The following TMEM108 variants were observed in gnomAD, a reference collection of about 807,000 sequenced individuals.
The protein encoded by TMEM108 is cancer/testis antigen 124.
In TMEM108, 12 loss-of-function variants were observed where a neutral mutation model predicts 35.1. The observed-to-expected ratio is 0.34, with a 90% CI of 0.22 to 0.55. The LOEUF (loss-of-function observed/expected upper bound fraction) is 0.55, where lower values mean the gene tolerates loss of function less well. Ranked by LOEUF, TMEM108 falls within the 20% of genes least tolerant of loss-of-function variation. The pLI, the probability that TMEM108 is intolerant of heterozygous loss-of-function variation, is 0.89. For missense variants in TMEM108, 680 were observed against 753.3 expected (o/e 0.90, Z 1.14); for synonymous variants, 287 against 308.6 (o/e 0.93, Z 0.73).
At chr3:133,333,458 G>C (rs368754974) in intron 3 of TMEM108, among the ~76,000 whole-genome samples, 3 of 152,080 alleles carry the variant, frequency 2.0e-5, no homozygotes. Context: ...TAAGGACACA[G>C]AGGCCCAAAG....
chr3:133,156,245 A>G (rs1220431166), intron 2 of TMEM108, among the ~76,000 whole-genome samples: 1 of 152,146 alleles, frequency 6.6e-6, no homozygotes, highest in African/African-American at 2.4e-5. Context: ...ACAACCTTAC[A>G]AATATTTGCC....
intron 3 of TMEM108, among the ~76,000 whole-genome samples, chr3:133,313,474 C>T (rs995314704): frequency 1.2e-4 from 18 of 152,160 alleles, no homozygotes; most frequent in African/African-American, 3.6e-4. Context: ...CGTGAGCCAC[C>T]GCGCCTGGCC....
At chr3:133,225,534 T>G (rs1946057254) in intron 2 of TMEM108, among the ~76,000 whole-genome samples, 1 of 152,210 alleles carries the variant, frequency 6.6e-6, no homozygotes, top group Admixed American at 6.5e-5. Context: ...CAATACGTTT[T>G]GGAATACTTA....
At chr3:133,043,096 A>G (rs951143667) in intron 1 of TMEM108, among the ~76,000 whole-genome samples, 2 of 152,224 alleles carry the variant, frequency 1.3e-5, no homozygotes, top group Non-Finnish European at 2.9e-5. Context: ...GTTTCCTGTA[A>G]GAAAAAACTT....
intron 3 of TMEM108, among the ~76,000 whole-genome samples, chr3:133,300,681 T>C (rs1031993691): frequency 6.6e-6 from 1 of 151,992 alleles, no homozygotes; most frequent in African/African-American, 2.4e-5. Flanking sequence ...ATGATTTTAG[T>C]GGGCTCTGGG....
chr3:133,338,646 A>G (rs2071571668), intron 3 of TMEM108, among the ~76,000 whole-genome samples: 1 of 151,892 alleles, frequency 6.6e-6, no homozygotes, highest in South Asian at 2.1e-4. Context: ...AAGTACACAG[A>G]AAAACAGAAT....
intron 2 of TMEM108, among the ~76,000 whole-genome samples, chr3:133,060,846 G>T (rs536266546): frequency 6.6e-6 from 1 of 151,662 alleles, no homozygotes; most frequent in Non-Finnish European, 1.5e-5. Flanking sequence ...GTGTTTGTAC[G>T]AAAAAAAACT....
At chr3:133,327,107 G>A (rs1483885139) in intron 3 of TMEM108, among the ~76,000 whole-genome samples, 1 of 152,148 alleles carries the variant, frequency 6.6e-6, no homozygotes, top group Non-Finnish European at 1.5e-5. Context: ...CAAGAAGGGT[G>A]CCTTTGTGTA....
intron 3 of TMEM108, among the ~76,000 whole-genome samples, chr3:133,358,729 A>G (rs2072253730): frequency 1.3e-5 from 2 of 151,970 alleles, no homozygotes; most frequent in Admixed American, 1.3e-4. Context: ...CCTTCCCTCC[A>G]ATTCACTCTC....
chr3:133,290,312 T>C (rs1216716812), intron 3 of TMEM108, among the ~76,000 whole-genome samples: 2 of 152,180 alleles, frequency 1.3e-5, no homozygotes, highest in Non-Finnish European at 2.9e-5. Flanking sequence ...TCTATGAGAC[T>C]TAGTTCTTCT....
chr3:133,079,989 A>G (rs192796221), intron 2 of TMEM108, among the ~76,000 whole-genome samples: 8 of 152,180 alleles, frequency 5.3e-5, no homozygotes, highest in Admixed American at 2.0e-4. Flanking sequence ...TTTTGCACAG[A>G]TGTCTTCTTG....
chr3:133,305,046 G>A (rs1380454953), intron 3 of TMEM108, among the ~76,000 whole-genome samples: 1 of 152,030 alleles, frequency 6.6e-6, no homozygotes, highest in Non-Finnish European at 1.5e-5. Context: ...TCGCACCACT[G>A]CACCCCCAGC....
At chr3:133,225,220 G>C (rs1348164657) in intron 2 of TMEM108, among the ~76,000 whole-genome samples, 3 of 151,802 alleles carry the variant, frequency 2.0e-5, no homozygotes, top group Admixed American at 6.6e-5. Context: ...CTAATTTTTT[G>C]TATTTTTAGT....
chr3:133,382,164 G>C lies in TMEM108; in HGVS notation c.1450+1003G>C, dbSNP rs531462188. Among the ~76,000 whole-genome samples the C allele has an allele frequency of 5.3e-5, 8 of 152,190 alleles. No homozygotes were observed. The East Asian group carries it at 1.5e-3, about 29-fold the overall frequency. ...ACCCCACCCCAAATGGTTACCATCT[G>C]CCACTCCCTTACCCCTTCCAGGGAT... On this transcript the variant is annotated intron_variant, in intron 4 of 5. Transcript: ENST00000321871.
rs1453099579 is a variant in TMEM108, at chr3:133,185,351, G to T, written c.-46-43915G>T. ...ATTGTTTCCCCCATTGAATGGACATGTGGATGCTTTTGGTTTAACTACTGC... is the reference window on the plus strand; with the variant it reads ...ATTGTTTCCCCCATTGAATGGACATTTGGATGCTTTTGGTTTAACTACTGC... On this transcript the variant is annotated intron_variant, in intron 2 of 5. Coordinates refer to ENST00000321871, the MANE Select transcript of TMEM108 (RefSeq NM_023943.4). Among the ~76,000 whole-genome samples the T allele has an allele frequency of 2.6e-5, 4 of 152,012 alleles. No individual in the cohort carries two copies. In the East Asian group the frequency reaches 7.7e-4, roughly 29 times the overall value.
intron 3 of TMEM108, among the ~76,000 whole-genome samples, chr3:133,378,858 G>T (rs945594381): frequency 6.7e-6 from 1 of 148,376 alleles, no homozygotes. Flanking sequence ...CAAAAAGGCT[G>T]GATATCACCA....
intron 2 of TMEM108, among the ~76,000 whole-genome samples, chr3:133,197,786 A>G (rs1303062053): frequency 2.0e-5 from 3 of 152,224 alleles, no homozygotes; most frequent in African/African-American, 4.8e-5. Flanking sequence ...GTACAGAGGT[A>G]TCTGCTACAG....
At chr3:133,323,379 CAA>C (rs1007715625) in intron 3 of TMEM108, among the ~76,000 whole-genome samples, 23 of 152,136 alleles carry the variant, frequency 1.5e-4, no homozygotes, top group Non-Finnish European at 1.9e-4. Context: ...TGCTATACAC[CAA>C]AGTGACCAAG....
chr3:133,297,843 A>G (rs1947168037), intron 3 of TMEM108, among the ~76,000 whole-genome samples: 1 of 152,216 alleles, frequency 6.6e-6, no homozygotes, highest in Non-Finnish European at 1.5e-5. Flanking sequence ...AGATACTGAG[A>G]TCAGAGAATG....
Sources: gnomAD v4.1 joint callset for allele counts (sites outside exome capture counted in the v4.1 genomes callset) on GRCh38, gnomAD v4.1.1 for gene constraint, MANE v1.5 for transcripts, NCBI Gene and HGNC (gene_info 2026-07-23, HGNC 2026-07-21) for gene names.